Variants in AGA observed in about 807,000 individuals in gnomAD.
AGA encodes the protein aspartylglucosaminidase.
In AGA, 31 loss-of-function variants were observed where a neutral mutation model predicts 40.1. The observed-to-expected ratio is 0.77, with a 90% CI of 0.58 to 1.04. AGA has a LOEUF of 1.04. Among genes scored for constraint, AGA ranks in the 50% least tolerant of loss-of-function variants. The pLI is 0.00. For synonymous variants in AGA, 148 were observed against 144.0 expected (o/e 1.03, Z -0.20); for missense variants, 445 against 435.4 (o/e 1.02, Z -0.20).
At chr4:177,438,140 T>A (rs920968230) in intron 4 of AGA, among the ~76,000 whole-genome samples, 8 of 152,116 alleles carry the variant, frequency 5.3e-5, no homozygotes, top group Non-Finnish European at 7.3e-5. Context: ...TCCCCTAACT[T>A]CGTTTTATGA....
intron 7 of AGA, 76 bp from the exon 8 acceptor site, chr4:177,433,423 A>G: frequency 1.9e-6 from 3 of 1,577,040 alleles, no homozygotes; most frequent in Non-Finnish European, 2.6e-6. Flanking sequence ...GAAGTTAGAA[A>G]TTAAAACCAC....
At chr4:177,432,693 C>T (rs2111005981) in intron 8 of AGA, among the ~76,000 whole-genome samples, 1 of 152,264 alleles carries the variant, frequency 6.6e-6, no homozygotes. Flanking sequence ...TGCTTTGAAA[C>T]TGTGATAGGC....
At chr4:177,438,391 G>T (rs373258494) in intron 4 of AGA, among the ~76,000 whole-genome samples, 2 of 152,120 alleles carry the variant, frequency 1.3e-5, no homozygotes, top group Non-Finnish European at 2.9e-5. Context: ...TACACTGCAC[G>T]TAAAATCTAA....
intron 7 of AGA, among the ~76,000 whole-genome samples, chr4:177,434,118 C>T (rs1207140391): frequency 1.3e-5 from 2 of 152,106 alleles, no homozygotes; most frequent in Admixed American, 6.6e-5. Flanking sequence ...CACAGCCTCC[C>T]GAGTAGCTGG....
chr4:177,434,423 T>G lies in AGA; in HGVS notation c.765A>C (p.Ala255=), dbSNP rs1579040330. ...TCAATATATCACCATTCCCAGTGGC[T>G]GCGGCTGCCCCTGCAGTATCGTCAG... ...AYADDTAGAA[A]ATGNGDILMR... is the part of the protein sequence containing the mutation. Residue 255 remains alanine, a synonymous_variant, in exon 7 of 9, where the codon GCA becomes GCC. Transcript: ENST00000264595. The G allele has an allele frequency of 6.2e-7, 1 of 1,614,206 alleles. No homozygotes were observed. The highest frequency in any genetic ancestry group is 2.2e-5 in the East Asian group (1 of 44,874).
intron 4 of AGA, among the ~76,000 whole-genome samples, chr4:177,438,341 G>A (rs758500458): frequency 3.3e-5 from 5 of 152,152 alleles, no homozygotes; most frequent in Non-Finnish European, 7.3e-5. Flanking sequence ...TACTAGACAT[G>A]TAATATTACA....
chr4:177,438,850 T>C lies in AGA; in HGVS notation c.402A>G (p.Thr134=), dbSNP rs770449168. 2.5e-6 allele frequency: 4 copies of C among 1,572,262 alleles called. No individual in the cohort carries two copies. Among genetic ancestry groups the C allele is most frequent in the Non-Finnish European group, 3.5e-6 (4 of 1,141,852 alleles). Residue 134 remains threonine (T), a synonymous_variant, in exon 4 of 9, where the codon ACA becomes ACG. Coordinates refer to ENST00000264595, the MANE Select transcript of AGA (RefSeq NM_000027.4). The part of the protein sequence containing the change: ...HTLLVGESAT[T]FAQSMGFINE... ...TGATAAACCCCATACTTTGAGCAAATGTGGTGGCTGGAGATTGGAAAAAAG... is the reference window on the plus strand; with the variant it reads ...TGATAAACCCCATACTTTGAGCAAACGTGGTGGCTGGAGATTGGAAAAAAG...
chr4:177,438,983 T>C lies in AGA; in HGVS notation c.395-126A>G, dbSNP rs931153394. 8 of 722,876 alleles carry C rather than the reference T, an allele frequency of 1.1e-5. No individual in the cohort carries two copies. In the African/African-American group the frequency reaches 1.2e-4, roughly 11 times the overall value. The allele number at this position is 722,876 out of a possible 1,614,324, so 44.8% of individuals were successfully genotyped here. A position where few individuals can be genotyped will look rare whatever the true frequency, so the allele number is the denominator to read the frequency against. ...AGCTACACAAAGACTTTCAAAGGAA[T>C]ATTCACACATGAACAGTTTTAAGAG... is the stretch of plus-strand genomic sequence containing the variant. On this transcript the variant is annotated intron_variant, in intron 3 of 8. Coordinates refer to ENST00000264595, the MANE Select transcript of AGA (RefSeq NM_000027.4).
At chr4:177,433,696 T>C (rs1320947475) in intron 7 of AGA, among the ~76,000 whole-genome samples, 1 of 152,224 alleles carries the variant, frequency 6.6e-6, no homozygotes, top group African/African-American at 2.4e-5. Flanking sequence ...GGGAAAGTAG[T>C]GTGCATGGGC....
In AGA at chr4:177,431,854, C is replaced by T. The variant is rs763624478; in HGVS notation, c.941-46G>A. The T allele has an allele frequency of 4.0e-5, 59 of 1,482,138 alleles. 1 individual carries two copies. The East Asian group carries it at 1.0e-3, about 26-fold the overall frequency. 91.8% of individuals were successfully genotyped at this position (1,482,138 alleles called of 1,614,324 possible). ...GAAGTTTGGTGAACTATAGGATGCA[C>T]ATATTTATAACCAATACAGATACTG... is the stretch of plus-strand genomic sequence containing the variant. On this transcript the variant is annotated intron_variant, in intron 8 of 8. Coordinates refer to ENST00000264595, the MANE Select transcript of AGA (RefSeq NM_000027.4).
chr4:177,431,141 C>G lies in AGA; in HGVS notation c.*567G>C, dbSNP rs1736617686. Reference sequence around the variant, plus strand: ...AAAGAAAATCAACACAATTGCTCATCAGAAGATAGCTGTATTTTCTAGTAT... The same window carrying G: ...AAAGAAAATCAACACAATTGCTCATGAGAAGATAGCTGTATTTTCTAGTAT... On this transcript the variant is annotated 3_prime_UTR_variant, in exon 9 of 9. Transcript: ENST00000264595. The G allele has an allele frequency of 4.5e-6, 2 of 443,472 alleles. No individual in the cohort carries two copies. Among genetic ancestry groups the G allele is most frequent in the South Asian group, 3.2e-5 (2 of 62,512 alleles). The allele number at this position is 443,472 out of a possible 1,614,324, so 27.5% of individuals were successfully genotyped here. A position where few individuals can be genotyped will look rare whatever the true frequency, so the allele number is the denominator to read the frequency against.
At chr4:177,437,078 A>G (rs1736847416) in intron 5 of AGA, 1 of 332,632 alleles carries the variant, frequency 3.0e-6, no homozygotes, top group Non-Finnish European at 5.7e-6. Context: ...ACTAAGACAT[A>G]GACTAATGTA....
Position 177,440,404 on chromosome 4 carries a change from T to A in AGA, c.150A>T (p.Gly50=), listed in dbSNP as rs143210437. The A allele has an allele frequency of 8.7e-6, 14 of 1,613,948 alleles. No individual in the cohort carries two copies. In the African/African-American group the frequency reaches 1.7e-4, roughly 20 times the overall value. ...TCTCCACTGCATCCAGGGCAGAGCC[T>A]CCAGATGCTAATGCCCTCCACGCTG... ...TEAAWRALAS[G]GSALDAVESG... Residue 50 remains glycine (G), a synonymous_variant, in exon 2 of 9, where the codon GGA becomes GGT. Transcript: ENST00000264595.
Position 177,434,586 on chromosome 4 carries a change from T to C in AGA, c.699-97A>G, listed in dbSNP as rs1736747293. On this transcript the variant is annotated intron_variant, in intron 6 of 8. Transcript: ENST00000264595. ...ATAAGGGATAGTTCCACTTAGCCTC[T>C]GATACCGTTTTAAGTAAATTCTTCA... 2.4e-5 allele frequency: 23 copies of C among 972,908 alleles called. No homozygotes were observed. In the South Asian group the frequency reaches 2.8e-4, roughly 12 times the overall value. 60.3% of individuals were successfully genotyped at this position (972,908 alleles called of 1,614,324 possible).
chr4:177,437,330 A>G (rs1456341476), intron 5 of AGA, 75 bp downstream of exon 5: 4 of 1,013,850 alleles, frequency 3.9e-6, no homozygotes, highest in South Asian at 2.6e-5. Flanking sequence ...AACTTCTGGT[A>G]GAAGAATAGG....
intron 5 of AGA, 95 bp from the exon 6 acceptor site, chr4:177,436,446 G>C: frequency 1.0e-6 from 1 of 991,298 alleles, no homozygotes; most frequent in South Asian, 1.3e-5. Flanking sequence ...GCTGTGCTCT[G>C]AATGTTTGTG....
chr4:177,431,622 G>T lies in AGA; in HGVS notation c.*86C>A. On this transcript the variant is annotated 3_prime_UTR_variant, in exon 9 of 9. Transcript: ENST00000264595. ...TTTACAAAAAGACTTTAGAACACAT[G>T]AGGAACACTAGATGATGAGAGTGAG... 9.0e-7 allele frequency: 1 copy of T among 1,108,450 alleles called. No individual in the cohort carries two copies. Among genetic ancestry groups the T allele is most frequent in the Non-Finnish European group, 1.4e-6 (1 of 734,278 alleles). The allele number at this position is 1,108,450 out of a possible 1,614,324, so 68.7% of individuals were successfully genotyped here. A position where few individuals can be genotyped will look rare whatever the true frequency, so the allele number is the denominator to read the frequency against.
At chr4:177,435,160 C>T (rs1188555345) in intron 6 of AGA, among the ~76,000 whole-genome samples, 2 of 152,076 alleles carry the variant, frequency 1.3e-5, no homozygotes, top group Admixed American at 1.3e-4. Context: ...ATCTGCCTGC[C>T]TTGGCCTCCC....
At position 177,440,426 on chromosome 4, in the gene AGA, G is replaced by A. The variant is rs1054743624; in HGVS notation, c.128C>T (p.Ala43Val). 21 of 1,613,356 alleles carry A rather than the reference G, an allele frequency of 1.3e-5. No homozygotes were observed. The highest frequency in any genetic ancestry group is 3.3e-5 in the Admixed American group (2 of 59,964). ...GCCTCCAGATGCTAATGCCCTCCAC[G>A]CTGTTAATCAAATCCCAATAATGCT... ...TWPFKNATEA[A>V]WRALASGGSA... The change falls in exon 2 of 9, where the codon GCG becomes GTG. Residue 43 changes from alanine (A) to valine (V), a missense_variant and splice_region_variant. Transcript: ENST00000264595.
Sources: gnomAD v4.1 joint callset for allele counts (sites outside exome capture counted in the v4.1 genomes callset) on GRCh38, gnomAD v4.1.1 for gene constraint, MANE v1.5 for transcripts, NCBI Gene and HGNC (gene_info 2026-07-23, HGNC 2026-07-21) for gene names.